The following CHLSN variants were observed in gnomAD, a reference collection of about 807,000 sequenced individuals.
CHLSN encodes cholesin, also known as protein cholesin.
the CHLSN span, among the ~76,000 whole-genome samples, chr7:1,003,193 T>C: frequency 6.2e-5 from 1 of 16,044 alleles, no homozygotes. Context: ...GGGTGGGGAG[T>C]CCTGTGGGTG....
the CHLSN span, among the ~76,000 whole-genome samples, chr7:996,179 C>G: frequency 6.6e-6 from 1 of 152,224 alleles, no homozygotes; most frequent in African/African-American, 2.4e-5. Flanking sequence ...CCCAGCCAGG[C>G]CAGCAGTGGC....
chr7:1,082,810 C>T, the CHLSN span, among the ~76,000 whole-genome samples: 1 of 152,224 alleles, frequency 6.6e-6, no homozygotes, highest in Non-Finnish European at 1.5e-5. Flanking sequence ...GAAGATCCAG[C>T]GCCCGCAGAG....
At chr7:1,016,944 A>ACACGCCAGCG in the CHLSN span, among the ~76,000 whole-genome samples, 1 of 102,718 alleles carries the variant, frequency 9.7e-6, no homozygotes, top group Non-Finnish European at 2.1e-5. Context: ...ACACGCCAGC[A>ACACGCCAGCG]CACGCCAGCG....
chr7:1,117,754 A>AC, the CHLSN span, among the ~76,000 whole-genome samples: 6,350 of 136,250 alleles, frequency 0.047, 527 homozygotes, highest in African/African-American at 0.17. Context: ...CTATAGCTCT[A>AC]GGACCGGCTT....
At chr7:1,090,526 C>A in the CHLSN span, among the ~76,000 whole-genome samples, 1 of 149,130 alleles carries the variant, frequency 6.7e-6, no homozygotes, top group Non-Finnish European at 1.5e-5. Flanking sequence ...TGACACAGGG[C>A]AGGTGATGGG....
At chr7:1,009,006 CACACACACAT>C in the CHLSN span, among the ~76,000 whole-genome samples, 75 of 16,782 alleles carry the variant, frequency 4.5e-3, no homozygotes, top group African/African-American at 0.059. Flanking sequence ...TACACGCACA[CACACACACAT>C]ACACATGCAC....
At chr7:1,016,605 ACAGCAGCG>A in the CHLSN span, among the ~76,000 whole-genome samples, 443 of 67,010 alleles carry the variant, frequency 6.6e-3, 13 homozygotes, top group African/African-American at 0.031. Flanking sequence ...ACAGCAGCGT[ACAGCAGCG>A]CACGCCAGAG....
the CHLSN span, among the ~76,000 whole-genome samples, chr7:1,019,174 A>G: frequency 7.8e-6 from 1 of 128,484 alleles, no homozygotes; most frequent in Non-Finnish European, 1.6e-5. Flanking sequence ...AGCCTGGGCA[A>G]TAGAGTGAGA....
chr7:1,027,057 AC>A, the CHLSN span: 1 of 152,224 alleles, frequency 6.6e-6, no homozygotes, highest in African/African-American at 2.4e-5. Flanking sequence ...CGAGAAAAAA[AC>A]CAGAACATGT....
At chr7:1,023,801 G>A in the CHLSN span, among the ~76,000 whole-genome samples, 16 of 152,146 alleles carry the variant, frequency 1.1e-4, no homozygotes, top group Non-Finnish European at 1.5e-4. The surrounding 1 kb of genome is among the most constrained non-coding windows in gnomAD (Gnocchi z 5.0). Flanking sequence ...CTGGAGCAGC[G>A]GCCCCTGCAG....
At chr7:1,052,896 C>T in the CHLSN span, among the ~76,000 whole-genome samples, 1 of 152,166 alleles carries the variant, frequency 6.6e-6, no homozygotes, top group Non-Finnish European at 1.5e-5. This position sits in a 1 kb window ranked among gnomAD's most constrained non-coding sequence, Gnocchi z 4.2. Flanking sequence ...TCATCGCCGC[C>T]ACAACAAACT....
At chr7:1,127,441 G>A in the CHLSN span, 41,078 of 1,498,340 alleles carry the variant, frequency 0.027, 2,497 homozygotes, top group East Asian at 0.2. Flanking sequence ...CTTAACTCAT[G>A]TAAGATTTTT....
the CHLSN span, among the ~76,000 whole-genome samples, chr7:1,027,506 C>T: frequency 6.6e-6 from 1 of 152,264 alleles, no homozygotes; most frequent in East Asian, 1.9e-4. Context: ...ACTCCAAGCA[C>T]CTCTGCGCTC....
chr7:1,065,877 G>GGCA, the CHLSN span, among the ~76,000 whole-genome samples: 3 of 152,214 alleles, frequency 2.0e-5, no homozygotes, highest in Non-Finnish European at 4.4e-5. Flanking sequence ...GCGATCCAAA[G>GGCA]GCAGCTCCAG....
chr7:1,104,681 G>T, the CHLSN span, among the ~76,000 whole-genome samples: 1 of 152,180 alleles, frequency 6.6e-6, no homozygotes, highest in African/African-American at 2.4e-5. Context: ...GACGTGAGCC[G>T]GGTGCCTGGG....
the CHLSN span, chr7:1,028,323 G>A: frequency 1.9e-6 from 2 of 1,031,538 alleles, no homozygotes; most frequent in East Asian, 1.1e-4. Context: ...CCCGCAGTGC[G>A]CACCGCCCGG....
the CHLSN span, chr7:1,127,264 C>G: frequency 6.3e-7 from 1 of 1,597,412 alleles, no homozygotes; most frequent in Non-Finnish European, 8.5e-7. Context: ...TACCTTGGAG[C>G]CGGCTCCTTC....
chr7:1,027,442 A>C, the CHLSN span, among the ~76,000 whole-genome samples: 1 of 152,238 alleles, frequency 6.6e-6, no homozygotes, highest in South Asian at 2.1e-4. Context: ...GCGCAGGACC[A>C]GCACGGGGCC....
the CHLSN span, among the ~76,000 whole-genome samples, chr7:1,022,339 C>T: frequency 1.3e-5 from 2 of 152,230 alleles, no homozygotes; most frequent in African/African-American, 4.8e-5. Context: ...CCTGGTCCCA[C>T]GTCCCACAGC....
Sources: allele counts gnomAD v4.1 joint callset (sites outside exome capture counted in the v4.1 genomes callset), GRCh38; gene constraint gnomAD v4.1.1; non-coding constraint Gnocchi (gnomAD v3.1); transcripts MANE v1.5; gene names NCBI Gene and HGNC (gene_info 2026-07-23, HGNC 2026-07-21).